TECRL: variants seen among roughly 807,000 people sequenced by gnomAD.
TECRL encodes trans-2,3-enoyl-CoA reductase like, also known as trans-2,3-enoyl-CoA reductase-like.
Under a neutral mutation model 52.8 loss-of-function variants are expected in TECRL, and 63 were observed. The observed-to-expected ratio is 1.19, with a 90% CI of 0.97 to 1.47. TECRL has a LOEUF of 1.47. Among genes scored for constraint, TECRL ranks in the 40% most tolerant of loss-of-function variants. TECRL has a pLI of 0.00. For missense variants in TECRL, 482 were observed against 429.6 expected (o/e 1.12, Z -1.08); for synonymous variants, 164 against 141.9 (o/e 1.16, Z -1.10).
At chr4:64,384,413 G>A (rs1454008806) in intron 1 of TECRL, among the ~76,000 whole-genome samples, 1 of 152,122 alleles carries the variant, frequency 6.6e-6, no homozygotes, top group East Asian at 1.9e-4. Context: ...ATGCAAATGA[G>A]TGCTGTTAAC....
intron 2 of TECRL, among the ~76,000 whole-genome samples, chr4:64,334,281 T>C (rs1197352912): frequency 1.3e-5 from 2 of 152,102 alleles, no homozygotes; most frequent in Non-Finnish European, 2.9e-5. Flanking sequence ...TAGCTGGGTT[T>C]ATTTTGTTAA....
chr4:64,400,692 C>T (rs1724294307), intron 1 of TECRL, among the ~76,000 whole-genome samples: 1 of 152,026 alleles, frequency 6.6e-6, no homozygotes, highest in South Asian at 2.1e-4. Flanking sequence ...CTTGCAGGAT[C>T]TGATTGTTTA....
intron 2 of TECRL, among the ~76,000 whole-genome samples, chr4:64,329,900 G>A (rs748063203): frequency 1.3e-5 from 2 of 151,714 alleles, no homozygotes; most frequent in Non-Finnish European, 3.0e-5. Flanking sequence ...AAAGGCCACA[G>A]AATGATACAT....
chr4:64,392,754 A>G (rs1723629977), intron 1 of TECRL, among the ~76,000 whole-genome samples: 1 of 151,938 alleles, frequency 6.6e-6, no homozygotes, highest in Non-Finnish European at 1.5e-5. Context: ...AGGTGGTATT[A>G]ACAACTTTTT....
At chr4:64,369,917 T>C (rs1005070771) in intron 2 of TECRL, among the ~76,000 whole-genome samples, 1 of 151,882 alleles carries the variant, frequency 6.6e-6, no homozygotes, top group Non-Finnish European at 1.5e-5. Flanking sequence ...CAACAAGTGC[T>C]ACACATTGTG....
intron 1 of TECRL, among the ~76,000 whole-genome samples, chr4:64,386,059 A>G (rs138555723): frequency 1.3e-5 from 2 of 152,158 alleles, no homozygotes; most frequent in African/African-American, 4.8e-5. Flanking sequence ...ATAGGAAGCA[A>G]ATGTCAGGTG....
At chr4:64,319,381 C>T (rs1232071461) in intron 4 of TECRL, among the ~76,000 whole-genome samples, 5 of 151,644 alleles carry the variant, frequency 3.3e-5, no homozygotes, top group Non-Finnish European at 7.4e-5. Context: ...ACTCCAGGAC[C>T]TACAACTAAG....
At chr4:64,346,527 G>T (rs943038669) in intron 2 of TECRL, among the ~76,000 whole-genome samples, 4 of 152,260 alleles carry the variant, frequency 2.6e-5, no homozygotes, top group Non-Finnish European at 5.9e-5. Context: ...GCCAAGCCTA[G>T]GGGCTTGCGC....
Position 64,281,065 on chromosome 4 carries a change from T to G in TECRL, c.940A>C (p.Thr314Pro), listed in dbSNP as rs1359562110. The change falls in exon 11 of 12, where the codon ACA (threonine) becomes CCA (proline). Residue 314 changes from threonine (T) to proline (P), a missense_variant. Thr to Pro is a conservative substitution (Grantham distance 38, BLOSUM62 -1). Coordinates refer to ENST00000381210, the MANE Select transcript of TECRL (RefSeq NM_001010874.5). ...CCTGGCAGTGTTTGTGTCATGACTG[T>G]GAAACTAATCCATGATCCAATCTGT... ...TYEIGSWISFTVMTQTLPVGI... is the reference protein window; with the variant it reads ...TYEIGSWISFPVMTQTLPVGI... 9.4e-6 allele frequency: 15 copies of G among 1,603,058 alleles called. No homozygotes were observed. The highest frequency in any genetic ancestry group is 1.3e-5 in the Non-Finnish European group (15 of 1,172,952).
At chr4:64,352,424 G>T (rs1474852135) in intron 2 of TECRL, among the ~76,000 whole-genome samples, 1 of 152,140 alleles carries the variant, frequency 6.6e-6, no homozygotes, top group Non-Finnish European at 1.5e-5. Flanking sequence ...TACATAGATA[G>T]AGATAGTATC....
intron 11 of TECRL, 83 bp from the exon 12 acceptor site, chr4:64,280,282 G>T: frequency 9.1e-7 from 1 of 1,094,038 alleles, no homozygotes; most frequent in Non-Finnish European, 1.2e-6. Flanking sequence ...AGCATGTTTA[G>T]CTTTTAAGAT....
intron 1 of TECRL, among the ~76,000 whole-genome samples, chr4:64,408,040 T>A (rs1042875539): frequency 2.0e-5 from 3 of 151,766 alleles, no homozygotes; most frequent in Admixed American, 2.0e-4. Context: ...GTTCAATTCA[T>A]GACCTGTGTG....
At chr4:64,368,617 C>T (rs181591093) in intron 2 of TECRL, among the ~76,000 whole-genome samples, 13 of 152,170 alleles carry the variant, frequency 8.5e-5, no homozygotes, top group Admixed American at 7.9e-4. Flanking sequence ...TTTAACCCAA[C>T]AAACTAGAGG....
chr4:64,402,755 T>C (rs1209926300), intron 1 of TECRL, among the ~76,000 whole-genome samples: 1 of 152,056 alleles, frequency 6.6e-6, no homozygotes, highest in Non-Finnish European at 1.5e-5. Context: ...TGAATTGGGG[T>C]ACATAAGAGA....
chr4:64,331,749 G>A lies in TECRL; in HGVS notation c.287-3193C>T, dbSNP rs181239084. ...GATTAAAATGTAATGGAATGATAGT[G>A]TAGTCATGCAGAACAAACAGAAGAA... On this transcript the variant is annotated intron_variant, in intron 2 of 11. Transcript: ENST00000381210. Among the ~76,000 whole-genome samples the A allele has an allele frequency of 4.1e-4, 62 of 152,186 alleles. No individual in the cohort carries two copies. In the East Asian group the frequency reaches 0.012, roughly 28 times the overall value.
intron 2 of TECRL, among the ~76,000 whole-genome samples, chr4:64,365,520 C>G (rs1422089855): frequency 6.6e-6 from 1 of 152,092 alleles, no homozygotes; most frequent in Non-Finnish European, 1.5e-5. Flanking sequence ...AATTAATAAA[C>G]CACCTCAGCA....
chr4:64,357,207 G>T (rs1214141324), intron 2 of TECRL, among the ~76,000 whole-genome samples: 1 of 151,842 alleles, frequency 6.6e-6, no homozygotes, highest in Admixed American at 6.6e-5. Flanking sequence ...ATTTCAAGAT[G>T]TGAAAAACAG....
At chr4:64,329,827 C>T (rs1177858552) in intron 2 of TECRL, among the ~76,000 whole-genome samples, 1 of 151,582 alleles carries the variant, frequency 6.6e-6, no homozygotes, top group Non-Finnish European at 1.5e-5. Context: ...TTAATATACT[C>T]AATTATTAGT....
At chr4:64,371,034 G>T (rs1188339384) in intron 2 of TECRL, among the ~76,000 whole-genome samples, 1 of 151,630 alleles carries the variant, frequency 6.6e-6, no homozygotes, top group Non-Finnish European at 1.5e-5. Flanking sequence ...TCAAGCCTGT[G>T]ATTTTAATTG....
Sources: allele counts gnomAD v4.1 joint callset (sites outside exome capture counted in the v4.1 genomes callset), GRCh38; gene constraint gnomAD v4.1.1; transcripts MANE v1.5; gene names NCBI Gene and HGNC (gene_info 2026-07-23, HGNC 2026-07-21).